Variants in EIF4G3 observed in about 807,000 individuals in gnomAD.
The protein encoded by EIF4G3 is eukaryotic translation initiation factor 4 gamma 3.
In EIF4G3, 34 loss-of-function variants were observed where a neutral mutation model predicts 186.4. That is an observed-to-expected ratio of 0.18 (90% confidence interval 0.14 to 0.24). EIF4G3 has a LOEUF of 0.24. Ranked by LOEUF, EIF4G3 falls within the 10% of genes least tolerant of loss-of-function variation. EIF4G3 has a pLI of 1.00. For synonymous variants in EIF4G3, 673 were observed against 679.5 expected, an observed-to-expected ratio of 0.99 and a Z score of 0.15; for missense variants, 1,536 against 1,948.5, an observed-to-expected ratio of 0.79 and a Z score of 3.99.
intron 28 of EIF4G3, 96 bp downstream of exon 28, chr1:20,851,162 T>A (rs1045010624): frequency 2.4e-5 from 26 of 1,090,340 alleles, no homozygotes; most frequent in Non-Finnish European, 3.4e-5. Context: ...TGCTATTATG[T>A]GTTAATTCTA....
chr1:20,908,166 G>T (rs965024974), intron 14 of EIF4G3, among the ~76,000 whole-genome samples: 1 of 152,020 alleles, frequency 6.6e-6, no homozygotes, highest in Non-Finnish European at 1.5e-5. Flanking sequence ...ATTTTTTCAT[G>T]TGTTTTTTGG....
At chr1:21,021,985 C>T (rs575752240) in intron 4 of EIF4G3, among the ~76,000 whole-genome samples, 1 of 152,218 alleles carries the variant, frequency 6.6e-6, no homozygotes, top group African/African-American at 2.4e-5. Context: ...CCAGCAAATA[C>T]GTAAATTTCT....
At chr1:20,879,663 TAAAC>T (rs2081766479) in intron 19 of EIF4G3, 143 bp from the exon 20 acceptor site, 1 of 471,360 alleles carries the variant, frequency 2.1e-6, no homozygotes, top group South Asian at 8.0e-5. Flanking sequence ...CAGAAATAAT[TAAAC>T]TAATCTATTT....
chr1:21,082,116 CTTT>C (rs2100850172), intron 3 of EIF4G3, among the ~76,000 whole-genome samples: 1 of 150,188 alleles, frequency 6.7e-6, no homozygotes, highest in South Asian at 2.1e-4. Flanking sequence ...TTTAATGCTT[CTTT>C]GATTATCAGC....
In EIF4G3 at chr1:20,864,655, G is replaced by A. The variant is rs141989247; in HGVS notation, c.2827C>T (p.Arg943Trp). 2.4e-5 allele frequency: 39 copies of A among 1,613,988 alleles called. No individual in the cohort carries two copies. Among genetic ancestry groups the A allele is most frequent in the Middle Eastern group, 1.6e-4 (1 of 6,084 alleles). Residue 943 changes from arginine (R) to tryptophan (W), a missense_variant, in exon 22 of 37, where the codon CGG becomes TGG. This residue lies in a region of EIF4G3 where 77 missense variants were observed against 131.6 expected (regional missense o/e 0.59). Coordinates refer to ENST00000602326, the MANE Select transcript of EIF4G3 (RefSeq NM_001391906.1). ...ELEEAKDKAR[R>W]RSIGNIKFIG... ...AACTTGATGTTGCCAATGGATCTCC[G>A]CCGGGCTTTGTCCTTGGCTTCTTCC...
chr1:21,118,785 CAA>C (rs796933675), intron 2 of EIF4G3, among the ~76,000 whole-genome samples: 10 of 86,238 alleles, frequency 1.2e-4, no homozygotes, highest in Admixed American at 1.3e-4. Context: ...GACTACATCT[CAA>C]AAAAAAAAAA....
intron 2 of EIF4G3, among the ~76,000 whole-genome samples, chr1:21,160,668 G>A (rs942163925): frequency 1.3e-5 from 2 of 152,132 alleles, no homozygotes; most frequent in African/African-American, 2.4e-5. Context: ...AATCCAAAAC[G>A]AGGGACACCC....
At chr1:21,006,330 T>G (rs2085072796) in intron 4 of EIF4G3, among the ~76,000 whole-genome samples, 1 of 152,202 alleles carries the variant, frequency 6.6e-6, no homozygotes, top group African/African-American at 2.4e-5. Flanking sequence ...CACAGAAAAC[T>G]AGGGACAGAT....
At chr1:21,102,521 A>G (rs1279005872) in intron 2 of EIF4G3, among the ~76,000 whole-genome samples, 2 of 152,248 alleles carry the variant, frequency 1.3e-5, no homozygotes, top group East Asian at 1.9e-4. Flanking sequence ...ATAAATGGAC[A>G]ATGCTAAAGA....
intron 4 of EIF4G3, among the ~76,000 whole-genome samples, chr1:21,036,748 G>A (rs2093236355): frequency 6.6e-6 from 1 of 152,096 alleles, no homozygotes; most frequent in Admixed American, 6.5e-5. Context: ...AGGTGTGGTG[G>A]CATGCACCTA....
intron 4 of EIF4G3, among the ~76,000 whole-genome samples, chr1:21,026,298 G>A (rs768138922): frequency 4.6e-5 from 7 of 152,112 alleles, no homozygotes; most frequent in Non-Finnish European, 8.8e-5. Context: ...AATGGGGAAA[G>A]GACATTTTCA....
chr1:20,866,605 A>G (rs2154552470), intron 20 of EIF4G3, among the ~76,000 whole-genome samples: 1 of 152,340 alleles, frequency 6.6e-6, no homozygotes, highest in Middle Eastern at 3.4e-3. Flanking sequence ...GAAATGCTAC[A>G]TGAAAGCAAG....
At chr1:21,043,832 C>A (rs1571572591) in intron 4 of EIF4G3, among the ~76,000 whole-genome samples, 2 of 144,708 alleles carry the variant, frequency 1.4e-5, no homozygotes, top group African/African-American at 5.1e-5. Context: ...AGAAAACACA[C>A]TGCACTCCAG....
chr1:20,847,608 T>C (rs2071588641), intron 29 of EIF4G3, among the ~76,000 whole-genome samples: 1 of 152,298 alleles, frequency 6.6e-6, no homozygotes, highest in African/African-American at 2.4e-5. Flanking sequence ...TTCTTGGCCA[T>C]TCTAATTTTT....
chr1:20,883,970 G>T (rs1003609991), intron 19 of EIF4G3, among the ~76,000 whole-genome samples: 25 of 152,248 alleles, frequency 1.6e-4, no homozygotes, highest in African/African-American at 6.0e-4. Flanking sequence ...AATCCTAGGG[G>T]TAGAAGCCCA....
At position 20,886,236 on chromosome 1, in the gene EIF4G3, T is replaced by A. The variant is rs1319009457; in HGVS notation, c.2389A>T (p.Ser797Cys). ...ATGTTTTCGGGATCATCGGCTTGGC[T>A]GTCTCGTTTTTGGCTTGGCTTCCAG... is the stretch of plus-strand genomic sequence containing the variant. ...NAWKPSQKRD[S>C]QADDPENIKT... The change falls in exon 19 of 37, where the codon AGC (serine) becomes TGC (cysteine). Residue 797 changes from serine to cysteine, a missense_variant. This residue lies in a region of EIF4G3 where 139 missense variants were observed against 192.8 expected (regional missense o/e 0.72). Coordinates refer to ENST00000602326, the MANE Select transcript of EIF4G3 (RefSeq NM_001391906.1). 5 of 1,613,890 alleles carry A rather than the reference T, an allele frequency of 3.1e-6. No homozygotes were observed. Among genetic ancestry groups the A allele is most frequent in the Non-Finnish European group, 4.2e-6 (5 of 1,179,944 alleles).
chr1:20,942,050 A>C lies in EIF4G3; in HGVS notation c.1104T>G (p.Pro368=), dbSNP rs773941451. ...ELSSPREDTI[P]IPSLTSCTET... ...CTGTGCAAGATGTGAGGCTGGGTAT[A>C]GGAATTGTGTCTTCTCTTGGGGATG... is the stretch of plus-strand genomic sequence containing the variant. Residue 368 remains proline, a synonymous_variant, in exon 14 of 37, where the codon CCT becomes CCG. Coordinates refer to ENST00000602326, the MANE Select transcript of EIF4G3 (RefSeq NM_001391906.1). 6.2e-7 allele frequency: 1 copy of C among 1,614,166 alleles called. No homozygotes were observed. Among genetic ancestry groups the C allele is most frequent in the Non-Finnish European group, 8.5e-7 (1 of 1,180,010 alleles).
chr1:20,809,052 C>T (rs1257656868), intron 36 of EIF4G3, among the ~76,000 whole-genome samples: 3 of 151,838 alleles, frequency 2.0e-5, no homozygotes, highest in African/African-American at 7.3e-5. Context: ...CGGCTCATTG[C>T]AACCACCGCC....
intron 10 of EIF4G3, among the ~76,000 whole-genome samples, chr1:20,977,132 A>G (rs1332471786): frequency 2.0e-5 from 3 of 151,580 alleles, no homozygotes; most frequent in Non-Finnish European, 4.4e-5. Context: ...TTATTGCTTT[A>G]AAGGATGGGA....
Sources: allele counts gnomAD v4.1 joint callset (sites outside exome capture counted in the v4.1 genomes callset), GRCh38; gene constraint gnomAD v4.1.1; regional missense constraint gnomAD v4.1.1; transcripts MANE v1.5; gene names NCBI Gene and HGNC (gene_info 2026-07-23, HGNC 2026-07-21).